Variants in CPA6 observed in about 807,000 individuals in gnomAD.
The protein encoded by CPA6 is carboxypeptidase B.
A neutral mutation model predicts 63.3 loss-of-function variants in CPA6; 58 were observed. The ratio of observed to expected loss-of-function variants is 0.92; its 90% CI spans 0.74 to 1.14. The LOEUF (loss-of-function observed/expected upper bound fraction) is 1.14, where lower values mean the gene tolerates loss of function less well. Among genes scored for constraint, CPA6 ranks in the 50% most tolerant of loss-of-function variants. The pLI is 0.00. For synonymous variants in CPA6, 185 were observed against 179.0 expected, an observed-to-expected ratio of 1.03 and a Z score of -0.27; for missense variants, 565 against 526.6, an observed-to-expected ratio of 1.07 and a Z score of -0.71.
At chr8:67,494,986 G>C (rs1811679113) in intron 6 of CPA6, among the ~76,000 whole-genome samples, 1 of 152,148 alleles carries the variant, frequency 6.6e-6, no homozygotes, top group African/African-American at 2.4e-5. Context: ...TGGTCCATGA[G>C]AATCCATGAG....
chr8:67,600,879 G>A (rs1399270846), intron 2 of CPA6, among the ~76,000 whole-genome samples: 1 of 152,168 alleles, frequency 6.6e-6, no homozygotes, highest in Admixed American at 6.5e-5. Flanking sequence ...AAATGCAGAA[G>A]CTAAGATCGC....
At chr8:67,588,843 A>G (rs1473965451) in intron 2 of CPA6, among the ~76,000 whole-genome samples, 1 of 152,184 alleles carries the variant, frequency 6.6e-6, no homozygotes, top group Admixed American at 6.6e-5. Context: ...GGTTTACATT[A>G]AAGATTGATG....
intron 2 of CPA6, among the ~76,000 whole-genome samples, chr8:67,577,519 C>A (rs139779594): frequency 6.6e-6 from 1 of 152,048 alleles, no homozygotes; most frequent in Non-Finnish European, 1.5e-5. Context: ...ATCTTTCTTA[C>A]GCTCTTCGAA....
intron 8 of CPA6, among the ~76,000 whole-genome samples, chr8:67,446,055 G>C (rs1810404549): frequency 6.6e-6 from 1 of 152,104 alleles, no homozygotes; most frequent in African/African-American, 2.4e-5. Context: ...ACGAGGTCAG[G>C]AGATCGAGAC....
intron 2 of CPA6, among the ~76,000 whole-genome samples, chr8:67,606,522 C>T (rs1379025576): frequency 1.3e-5 from 2 of 152,088 alleles, no homozygotes; most frequent in Admixed American, 6.5e-5. Flanking sequence ...AAGCAGATTA[C>T]CTGCCCCCTG....
intron 1 of CPA6, among the ~76,000 whole-genome samples, chr8:67,657,989 C>T (rs983441125): frequency 2.0e-5 from 3 of 152,200 alleles, no homozygotes; most frequent in African/African-American, 7.2e-5. Flanking sequence ...TCCTCTCCTG[C>T]CTTCCTCACC....
intron 2 of CPA6, among the ~76,000 whole-genome samples, chr8:67,545,984 A>G (rs961213642): frequency 6.6e-6 from 1 of 151,876 alleles, no homozygotes; most frequent in African/African-American, 2.4e-5. Flanking sequence ...CCTTTTCATC[A>G]TCTCCTCTCC....
At chr8:67,495,255 T>C (rs1026017004) in intron 6 of CPA6, among the ~76,000 whole-genome samples, 26 of 152,190 alleles carry the variant, frequency 1.7e-4, no homozygotes, top group Admixed American at 8.5e-4. Context: ...TCCATCCTCC[T>C]CTTCCATTCC....
chr8:67,427,902 A>C, intron 10 of CPA6, 145 bp downstream of exon 10: 1 of 596,928 alleles, frequency 1.7e-6, no homozygotes, highest in Non-Finnish European at 3.0e-6. Context: ...ATCAGATATA[A>C]ACTCCTTCTA....
At chr8:67,649,092 G>C (rs1007421661) in intron 1 of CPA6, among the ~76,000 whole-genome samples, 1 of 151,962 alleles carries the variant, frequency 6.6e-6, no homozygotes, top group East Asian at 1.9e-4. Flanking sequence ...CAAAAGAGCA[G>C]TGCAAGGCAT....
chr8:67,502,977 C>A (rs1489067779), intron 6 of CPA6, among the ~76,000 whole-genome samples: 3 of 152,074 alleles, frequency 2.0e-5, no homozygotes. Flanking sequence ...CTATTAGATC[C>A]TGTTGGTTGA....
chr8:67,523,782 CAG>C, intron 2 of CPA6, among the ~76,000 whole-genome samples: 1 of 152,298 alleles, frequency 6.6e-6, no homozygotes, highest in East Asian at 1.9e-4. Context: ...ATGGGGCTCT[CAG>C]TGTCCTCCAG....
At chr8:67,579,271 G>A (rs1421396383) in intron 2 of CPA6, among the ~76,000 whole-genome samples, 1 of 152,148 alleles carries the variant, frequency 6.6e-6, no homozygotes, top group Non-Finnish European at 1.5e-5. Flanking sequence ...AAATTAGCCA[G>A]GTGTGGTGGT....
At chr8:67,502,142 G>T (rs796355524) in intron 6 of CPA6, among the ~76,000 whole-genome samples, 46 of 152,134 alleles carry the variant, frequency 3.0e-4, no homozygotes, top group African/African-American at 1.1e-3. Context: ...TGTCTCTCAT[G>T]CTAGAGCTTT....
intron 8 of CPA6, among the ~76,000 whole-genome samples, chr8:67,472,435 AT>A (rs1811085141): frequency 2.7e-5 from 4 of 149,152 alleles, no homozygotes; most frequent in African/African-American, 7.4e-5. Context: ...ATTTTATTTT[AT>A]TTTATTGAGA....
At chr8:67,600,609 T>A (rs1564018451) in intron 2 of CPA6, among the ~76,000 whole-genome samples, 1 of 152,172 alleles carries the variant, frequency 6.6e-6, no homozygotes, top group Non-Finnish European at 1.5e-5. Context: ...ATATGATCTC[T>A]GTATAATTTT....
intron 2 of CPA6, among the ~76,000 whole-genome samples, chr8:67,586,042 A>G: frequency 6.6e-6 from 1 of 152,180 alleles, no homozygotes; most frequent in Non-Finnish European, 1.5e-5. Flanking sequence ...CCGCACCTGT[A>G]AAGCTCCAAG....
intron 1 of CPA6, among the ~76,000 whole-genome samples, chr8:67,689,152 G>A (rs1258963234): frequency 1.3e-5 from 2 of 151,922 alleles, no homozygotes; most frequent in African/African-American, 4.8e-5. Context: ...ACCCACAAAT[G>A]ACTCAATGTA....
At chr8:67,686,598 G>C (rs903114290) in intron 1 of CPA6, among the ~76,000 whole-genome samples, 1 of 152,176 alleles carries the variant, frequency 6.6e-6, no homozygotes, top group African/African-American at 2.4e-5. Context: ...AAAACTACTT[G>C]CCTTAGTATG....
Sources: gnomAD v4.1 joint callset for allele counts (sites outside exome capture counted in the v4.1 genomes callset) on GRCh38, gnomAD v4.1.1 for gene constraint, MANE v1.5 for transcripts, NCBI Gene and HGNC (gene_info 2026-07-23, HGNC 2026-07-21) for gene names.